The following ENPP7 variants were observed in gnomAD, a reference collection of about 807,000 sequenced individuals.
ENPP7 encodes the protein ectonucleotide pyrophosphatase/phosphodiesterase family member 7.
ENPP7 carries 39 observed loss-of-function variants against 33.6 expected under a neutral mutation model. The observed-to-expected ratio is 1.16, with a 90% CI of 0.90 to 1.52. The LOEUF (loss-of-function observed/expected upper bound fraction) is 1.52, where lower values mean the gene tolerates loss of function less well. ENPP7 is among the 40% of genes most tolerant of loss of function. The probability of loss-of-function intolerance (pLI) is 0.00; values close to 1 mark genes in which losing one functional copy is unlikely to be tolerated. For missense variants in ENPP7, 594 were observed against 641.0 expected (o/e 0.93, Z 0.79); for synonymous variants, 244 against 274.3 (o/e 0.89, Z 1.09).
rs78658284 is a variant in ENPP7, at chr17:79,733,584, C to T, written c.330C>T (p.His110=). The T allele has an allele frequency of 1.6e-3, 2,645 of 1,613,536 alleles. 35 individuals carry two copies. The East Asian group carries it at 0.025, about 15-fold the overall frequency. Residue 110 remains histidine, a synonymous_variant, in exon 2 of 6, where the codon CAC becomes CAT. Transcript: ENST00000328313. ...NTTSKVKLPY[H]ATLGIQRWWD... is the part of the protein sequence containing the mutation. Reference sequence around the variant, plus strand: ...CCAGCAAGGTGAAGCTGCCCTACCACGCCACGCTGGGCATCCAGAGGTGGT... The same window carrying T: ...CCAGCAAGGTGAAGCTGCCCTACCATGCCACGCTGGGCATCCAGAGGTGGT...
rs140556423 is a variant in ENPP7, at chr17:79,737,167, G to A, written c.1153G>A (p.Val385Ile). Residue 385 changes from valine to isoleucine, a missense_variant, in exon 4 of 6, where the codon GTC becomes ATC. Around this residue, in one of 3 missense-constraint regions of ENPP7, gnomAD observed 504 missense variants for 512.8 expected, o/e 0.98. Transcript: ENST00000328313. The surrounding 1 kb of genome is among the most constrained non-coding windows in gnomAD (Gnocchi z 5.5). ...AGLEVEPFES[V>I]HVYELMCRLL... is the part of the protein sequence containing the mutation. ...CCTGGAGGTGGAGCCCTTTGAGAGCGTCCACGTGTACGAGCTCATGTGCCG... is the reference window on the plus strand; with the variant it reads ...CCTGGAGGTGGAGCCCTTTGAGAGCATCCACGTGTACGAGCTCATGTGCCG... 1.8e-5 allele frequency: 29 copies of A among 1,613,732 alleles called. No homozygotes were observed. Among genetic ancestry groups the A allele is most frequent in the Non-Finnish European group, 2.0e-5 (24 of 1,180,040 alleles).
chr17:79,733,761 G>T, intron 2 of ENPP7, 108 bp downstream of exon 2: 1 of 1,206,764 alleles, frequency 8.3e-7, no homozygotes, highest in South Asian at 1.5e-5. Flanking sequence ...CCCACTCCAG[G>T]GTCTCGGGGC....
rs201471435 is a variant in ENPP7 at position 79,735,299 on chromosome 17, T to A, written c.656T>A (p.Val219Glu). The change falls in exon 3 of 6, where the codon GTG becomes GAG. Residue 219 changes from valine to glutamate, a missense_variant. Around this residue, in one of 3 missense-constraint regions of ENPP7, gnomAD observed 504 missense variants for 512.8 expected, o/e 0.98. Coordinates refer to ENST00000328313, the MANE Select transcript of ENPP7 (RefSeq NM_178543.5). This position sits in a 1 kb window ranked among gnomAD's most constrained non-coding sequence, Gnocchi z 5.5. ...GAGAGGAGGGAGATGGTGCGGCAGGTGGACCGGACCGTGGGCTACCTCCGG... is the reference window on the plus strand; with the variant it reads ...GAGAGGAGGGAGATGGTGCGGCAGGAGGACCGGACCGTGGGCTACCTCCGG... ...SPERREMVRQ[V>E]DRTVGYLRES... 2.2e-5 allele frequency: 36 copies of A among 1,606,582 alleles called. No individual in the cohort carries two copies. The highest frequency in any genetic ancestry group is 5.9e-6 in the Non-Finnish European group (7 of 1,177,888).
chr17:79,736,741 C>A (rs1156736356), intron 3 of ENPP7, among the ~76,000 whole-genome samples: 1 of 152,172 alleles, frequency 6.6e-6, no homozygotes, highest in Non-Finnish European at 1.5e-5. Context: ...AGGAAGTGAC[C>A]GATGGGAGGC....
At chr17:79,732,137 T>TACATATATACAC (rs2094287362) in intron 1 of ENPP7, among the ~76,000 whole-genome samples, 20 of 18,752 alleles carry the variant, frequency 1.1e-3, no homozygotes, top group African/African-American at 4.3e-3. Context: ...TATATGTATA[T>TACATATATACAC]ATATATATAT....
rs1598197586 is a variant in ENPP7 at position 79,732,139 on chromosome 17, T to TATACAC, written c.253+750_253+751insCACATA. ...ATATATACATATATATATGTATATA[T>TATACAC]ATATATATATACACACACATATATA... On this transcript the variant is annotated intron_variant, in intron 1 of 5. Coordinates refer to ENST00000328313, the MANE Select transcript of ENPP7 (RefSeq NM_178543.5). 8.0e-4 allele frequency among the ~76,000 whole-genome samples: 43 copies of TATACAC among 53,522 alleles called. 3 individuals carry two copies. Among genetic ancestry groups the TATACAC allele is most frequent in the East Asian group, 9.7e-4 (2 of 2,072 alleles). 35.1% of individuals were successfully genotyped at this position (53,522 alleles called of 152,430 possible). A position where few individuals can be genotyped will look rare whatever the true frequency, so the allele number is the denominator to read the frequency against.
chr17:79,732,147 TATAC>T (rs1293346307), intron 1 of ENPP7, among the ~76,000 whole-genome samples: 32,227 of 65,832 alleles, frequency 0.49, 7,301 homozygotes, highest in African/African-American at 0.59. Context: ...TATATATATA[TATAC>T]ACACACATAT....
chr17:79,738,336 G>C lies in ENPP7; in HGVS notation c.*16+274G>C. On this transcript the variant is annotated intron_variant, in intron 5 of 5. Coordinates refer to ENST00000328313, the MANE Select transcript of ENPP7 (RefSeq NM_178543.5). The surrounding 1 kb of genome is among the most constrained non-coding windows in gnomAD (Gnocchi z 6.2). ...AATTCCCACCCTCCCCCAAAAGCCA[G>C]AACTCCCTCAGCCTCTGGCCAGAGC... The C allele has an allele frequency of 2.6e-6, 1 of 391,268 alleles. No individual in the cohort carries two copies. 24.2% of individuals were successfully genotyped at this position (391,268 alleles called of 1,614,324 possible). A position where few individuals can be genotyped will look rare whatever the true frequency, so the allele number is the denominator to read the frequency against.
chr17:79,735,929 G>C lies in ENPP7; in HGVS notation c.1026+260G>C, dbSNP rs572333769. 1.1e-4 allele frequency among the ~76,000 whole-genome samples: 16 copies of C among 152,138 alleles called. No individual in the cohort carries two copies. The highest frequency in any genetic ancestry group is 2.4e-4 in the Non-Finnish European group (16 of 68,012). On this transcript the variant is annotated intron_variant, in intron 3 of 5. Transcript: ENST00000328313. This position sits in a 1 kb window ranked among gnomAD's most constrained non-coding sequence, Gnocchi z 5.5. ...TTTTGTTTTGTTTTGTTTCATTTGA[G>C]ACAGAGTTTCACTCTTGTCATCCAG...
intron 3 of ENPP7, among the ~76,000 whole-genome samples, chr17:79,736,469 C>G (rs1158296101): frequency 3.9e-5 from 6 of 152,284 alleles, no homozygotes; most frequent in African/African-American, 1.4e-4. Context: ...CCTCCACATT[C>G]AGGCACCAGG....
In ENPP7 at chr17:79,735,162, A is replaced by C; in HGVS notation, c.519A>C (p.Arg173Ser). ...AHNYKNETEW[R>S]ANIDTVMAWF... The stretch of plus-strand genomic sequence containing the variant: ...ACTACAAAAATGAGACGGAGTGGAG[A>C]GCGAACATCGACACAGTGATGGCGT... The change falls in exon 3 of 6, where the codon AGA becomes AGC. Residue 173 changes from arginine (R) to serine (S), a missense_variant. Arg to Ser is a moderately radical substitution (Grantham distance 110). Transcript: ENST00000328313. The surrounding 1 kb of genome is among the most constrained non-coding windows in gnomAD (Gnocchi z 5.5). 1.2e-6 allele frequency: 2 copies of C among 1,613,212 alleles called. No homozygotes were observed. Among genetic ancestry groups the C allele is most frequent in the Non-Finnish European group, 1.7e-6 (2 of 1,180,004 alleles).
At chr17:79,732,039 A>C (rs1555822596) in intron 1 of ENPP7, among the ~76,000 whole-genome samples, 2 of 150,630 alleles carry the variant, frequency 1.3e-5, no homozygotes, top group Non-Finnish European at 2.9e-5. Context: ...TGGAAGTTGC[A>C]GTGAGCTGAG....
rs782670323 is a variant in ENPP7, at chr17:79,735,025, C to T, written c.400-18C>T. On this transcript the variant is annotated intron_variant, in intron 2 of 5. Transcript: ENST00000328313. The surrounding 1 kb of genome is among the most constrained non-coding windows in gnomAD (Gnocchi z 5.5). The stretch of plus-strand genomic sequence containing the variant: ...GCCCACTGAGGAGTCCTGTCTTTCA[C>T]GCTGCCTTGTCTGGCAGGGCCTGAG... 2.4e-5 allele frequency: 39 copies of T among 1,609,502 alleles called. No individual in the cohort carries two copies. The highest frequency in any genetic ancestry group is 1.1e-4 in the African/African-American group (8 of 74,874).
intron 1 of ENPP7, among the ~76,000 whole-genome samples, chr17:79,731,627 A>T (rs146640548): frequency 1.3e-5 from 2 of 152,348 alleles, no homozygotes; most frequent in East Asian, 3.9e-4. Flanking sequence ...AGAAGGCTTC[A>T]GGAGGAGGGG....
chr17:79,735,406 C>T lies in ENPP7; in HGVS notation c.763C>T (p.Arg255Trp), dbSNP rs144546446. 1.7e-5 allele frequency: 27 copies of T among 1,613,952 alleles called. No individual in the cohort carries two copies. Among genetic ancestry groups the T allele is most frequent in the South Asian group, 6.6e-5 (6 of 91,090 alleles). ...SDHGMTTVDK[R>W]AGDLVEFHKF... ...CCACGGCATGACGACCGTGGACAAACGGGCTGGCGACCTGGTTGAATTCCA... is the reference window on the plus strand; with the variant it reads ...CCACGGCATGACGACCGTGGACAAATGGGCTGGCGACCTGGTTGAATTCCA... The change falls in exon 3 of 6, where the codon CGG (arginine) becomes TGG (tryptophan). Residue 255 changes from arginine to tryptophan, a missense_variant. Arg to Trp is a moderately radical substitution (Grantham distance 101, BLOSUM62 -3). Around this residue, in one of 3 missense-constraint regions of ENPP7, gnomAD observed 504 missense variants for 512.8 expected, o/e 0.98. Coordinates refer to ENST00000328313, the MANE Select transcript of ENPP7 (RefSeq NM_178543.5). This position sits in a 1 kb window ranked among gnomAD's most constrained non-coding sequence, Gnocchi z 5.5.
Position 79,738,231 on chromosome 17 carries a change from C to T in ENPP7, c.*16+169C>T. On this transcript the variant is annotated intron_variant, in intron 5 of 5. Coordinates refer to ENST00000328313, the MANE Select transcript of ENPP7 (RefSeq NM_178543.5). The surrounding 1 kb of genome is among the most constrained non-coding windows in gnomAD (Gnocchi z 6.2). Reference sequence around the variant, plus strand: ...CAGAGAGGCCATCACCCCTGAGATCCCGAGGCTGACCCTTCCAGCCTCTCT... The same window carrying T: ...CAGAGAGGCCATCACCCCTGAGATCTCGAGGCTGACCCTTCCAGCCTCTCT... 1 of 629,476 alleles carries T rather than the reference C, an allele frequency of 1.6e-6. No homozygotes were observed. Among genetic ancestry groups the T allele is most frequent in the Non-Finnish European group, 2.7e-6 (1 of 364,080 alleles). The allele number at this position is 629,476 out of a possible 1,614,324, so 39.0% of individuals were successfully genotyped here.
At position 79,737,182 on chromosome 17, in the gene ENPP7, C is replaced by T. The variant is rs1555823771; in HGVS notation, c.1168C>T (p.Leu390Phe). ...EPFESVHVYELMCRLLGIVPE... is the reference protein window; with the variant it reads ...EPFESVHVYEFMCRLLGIVPE... Reference sequence around the variant, plus strand: ...CTTTGAGAGCGTCCACGTGTACGAGCTCATGTGCCGGCTGCTGGGCATCGT... The same window carrying T: ...CTTTGAGAGCGTCCACGTGTACGAGTTCATGTGCCGGCTGCTGGGCATCGT... Residue 390 changes from leucine to phenylalanine, a missense_variant, in exon 4 of 6, where the codon CTC becomes TTC. Around this residue, in one of 3 missense-constraint regions of ENPP7, gnomAD observed 504 missense variants for 512.8 expected, o/e 0.98. Transcript: ENST00000328313. This position sits in a 1 kb window ranked among gnomAD's most constrained non-coding sequence, Gnocchi z 5.5. 6.2e-7 allele frequency: 1 copy of T among 1,613,570 alleles called. No individual in the cohort carries two copies. The highest frequency in any genetic ancestry group is 2.2e-5 in the East Asian group (1 of 44,870).
intron 3 of ENPP7, among the ~76,000 whole-genome samples, chr17:79,736,536 C>CGTGTGTGTGTGTGTGTGT (rs58744239): frequency 6.8e-6 from 1 of 146,010 alleles, no homozygotes; most frequent in African/African-American, 2.5e-5. Flanking sequence ...GTGTGATAGG[C>CGTGTGTGTGTGTGTGTGT]GTGTGTGTGT....
rs1905546088 is a variant in ENPP7 at position 79,741,815 on chromosome 17, C to CA, written c.*39dup. ...CCAGGAAGCCGCCGGGAGCTGCCCG[C>CA]AGGCCCTGGGCCGGCTGTCTCGCTG... On this transcript the variant is annotated 3_prime_UTR_variant, in exon 6 of 6. Transcript: ENST00000328313. 1.4e-5 allele frequency: 14 copies of CA among 986,166 alleles called. No individual in the cohort carries two copies. In the South Asian group the frequency reaches 6.6e-4, roughly 46 times the overall value. The allele number at this position is 986,166 out of a possible 1,614,324, so 61.1% of individuals were successfully genotyped here. A position where few individuals can be genotyped will look rare whatever the true frequency, so the allele number is the denominator to read the frequency against.
Sources: gnomAD v4.1 joint callset for allele counts (sites outside exome capture counted in the v4.1 genomes callset) on GRCh38, gnomAD v4.1.1 for gene constraint, gnomAD v4.1.1 regional missense constraint, Gnocchi (gnomAD v3.1) non-coding constraint, MANE v1.5 for transcripts, NCBI Gene and HGNC (gene_info 2026-07-23, HGNC 2026-07-21) for gene names.